The following CAPZB variants were observed in gnomAD, a reference collection of about 807,000 sequenced individuals.
CAPZB encodes the protein F-actin-capping protein subunit beta.
A neutral mutation model predicts 38.1 loss-of-function variants in CAPZB; 2 were observed. The observed-to-expected ratio is 0.05, with a 90% CI of 0.02 to 0.17. The LOEUF is 0.17. CAPZB is among the 10% of genes least tolerant of loss of function. The pLI is 1.00. For missense variants in CAPZB, 161 were observed against 334.2 expected, an observed-to-expected ratio of 0.48 and a Z score of 4.04; for synonymous variants, 107 against 127.4, an observed-to-expected ratio of 0.84 and a Z score of 1.08.
chr1:19,355,844 G>C (rs758108106), intron 6 of CAPZB, among the ~76,000 whole-genome samples: 4 of 152,208 alleles, frequency 2.6e-5, no homozygotes, highest in Non-Finnish European at 4.4e-5. Flanking sequence ...CTTCTCTTGG[G>C]ATGGGAATGT....
At chr1:19,367,675 G>A (rs1228749672) in intron 4 of CAPZB, among the ~76,000 whole-genome samples, 2 of 152,202 alleles carry the variant, frequency 1.3e-5, no homozygotes, top group African/African-American at 4.8e-5. Flanking sequence ...AGTACACACA[G>A]GTGCAACAAT....
At chr1:19,353,089 G>C (rs1455138408) in intron 6 of CAPZB, among the ~76,000 whole-genome samples, 1 of 152,250 alleles carries the variant, frequency 6.6e-6, no homozygotes, top group Non-Finnish European at 1.5e-5. Flanking sequence ...CACACACAGG[G>C]AAGGGCAGCT....
chr1:19,398,397 C>T (rs2094284296), intron 2 of CAPZB, among the ~76,000 whole-genome samples: 1 of 152,310 alleles, frequency 6.6e-6, no homozygotes, highest in South Asian at 2.1e-4. Flanking sequence ...GTCTGGCTTC[C>T]TCCAACAGAT....
At chr1:19,464,111 T>A (rs2094561204) in intron 1 of CAPZB, among the ~76,000 whole-genome samples, 1 of 151,020 alleles carries the variant, frequency 6.6e-6, no homozygotes, top group Admixed American at 6.6e-5. Context: ...TGCTTTAACC[T>A]GGGAGACAGA....
At chr1:19,359,323 G>C (rs750798883) in intron 4 of CAPZB, among the ~76,000 whole-genome samples, 4 of 147,758 alleles carry the variant, frequency 2.7e-5, no homozygotes, top group Non-Finnish European at 4.4e-5. Context: ...GTAACTAAGA[G>C]ACCACCAGAC....
chr1:19,355,366 ACG>A (rs2094014796), intron 6 of CAPZB, among the ~76,000 whole-genome samples: 1 of 151,972 alleles, frequency 6.6e-6, no homozygotes. Context: ...GTGGTGGTGC[ACG>A]CTTGTAATCC....
intron 1 of CAPZB, among the ~76,000 whole-genome samples, chr1:19,470,216 C>T (rs1451333601): frequency 1.3e-5 from 2 of 150,932 alleles, no homozygotes; most frequent in Admixed American, 6.6e-5. Flanking sequence ...GAGACGCTGT[C>T]GCCAAAAAAT....
At chr1:19,450,233 CTGAG>C (rs1459843181) in intron 1 of CAPZB, among the ~76,000 whole-genome samples, 2 of 149,500 alleles carry the variant, frequency 1.3e-5, no homozygotes, top group Non-Finnish European at 3.0e-5. Context: ...ATAATGCAGG[CTGAG>C]TATTAGTTTT....
At chr1:19,476,199 GATAGATAGAT>G (rs1194478181) in intron 1 of CAPZB, among the ~76,000 whole-genome samples, 1 of 137,692 alleles carries the variant, frequency 7.3e-6, no homozygotes, top group Non-Finnish European at 1.5e-5. Context: ...TAGATAGATA[GATAGATAGAT>G]AGATAGATAG....
chr1:19,410,774 T>C lies in CAPZB; in HGVS notation c.93+8887A>G, dbSNP rs12028140. Among the ~76,000 whole-genome samples the C allele has an allele frequency of 7.9e-5, 12 of 152,350 alleles. No individual in the cohort carries two copies. In the East Asian group the frequency reaches 2.3e-3, roughly 29 times the overall value. The stretch of plus-strand genomic sequence containing the variant: ...GATTATTTAGCTTTGGCAGGACATT[T>C]AAGAAATGGCATACTATAATATTTT... On this transcript the variant is annotated intron_variant, in intron 2 of 8. Coordinates refer to ENST00000264202, the MANE Select transcript of CAPZB (RefSeq NM_004930.5).
intron 2 of CAPZB, among the ~76,000 whole-genome samples, chr1:19,417,029 G>A (rs572074337): frequency 6.6e-6 from 1 of 152,122 alleles, no homozygotes; most frequent in East Asian, 1.9e-4. Context: ...TCTGGCTATG[G>A]CGAAAGACAG....
chr1:19,415,730 G>A (rs2094376086), intron 2 of CAPZB, among the ~76,000 whole-genome samples: 1 of 152,214 alleles, frequency 6.6e-6, no homozygotes, highest in Non-Finnish European at 1.5e-5. Context: ...GTAGAGATGG[G>A]TTTTCGCCAT....
At chr1:19,427,343 A>C (rs2094426626) in intron 1 of CAPZB, among the ~76,000 whole-genome samples, 1 of 152,164 alleles carries the variant, frequency 6.6e-6, no homozygotes, top group Admixed American at 6.5e-5. Flanking sequence ...GTTCATCAAG[A>C]CCTTCACTCG....
intron 2 of CAPZB, among the ~76,000 whole-genome samples, chr1:19,419,088 C>T (rs954021437): frequency 6.6e-6 from 1 of 152,116 alleles, no homozygotes; most frequent in Non-Finnish European, 1.5e-5. Flanking sequence ...TAATATGGTG[C>T]TAGTGAATTT....
intron 1 of CAPZB, among the ~76,000 whole-genome samples, chr1:19,434,758 G>A (rs904132451): frequency 5.3e-5 from 8 of 151,920 alleles, no homozygotes; most frequent in Admixed American, 2.6e-4. Context: ...GTAAAACCCC[G>A]TCTCTACAAA....
chr1:19,415,984 T>C (rs759274892), intron 2 of CAPZB, among the ~76,000 whole-genome samples: 1 of 152,218 alleles, frequency 6.6e-6, no homozygotes, highest in Non-Finnish European at 1.5e-5. Flanking sequence ...CTCTGGACGA[T>C]GGGAATCCAC....
At chr1:19,382,200 A>C (rs1382232421) in intron 3 of CAPZB, among the ~76,000 whole-genome samples, 1 of 152,186 alleles carries the variant, frequency 6.6e-6, no homozygotes, top group African/African-American at 2.4e-5. Context: ...TCACATTTCT[A>C]CTGGCTCACA....
At chr1:19,451,902 T>C (rs537470161) in intron 1 of CAPZB, among the ~76,000 whole-genome samples, 3 of 152,294 alleles carry the variant, frequency 2.0e-5, no homozygotes, top group East Asian at 3.9e-4. Flanking sequence ...CCAATAATAA[T>C]GCTATGAAGC....
intron 1 of CAPZB, chr1:19,449,311 A>G: frequency 9.7e-7 from 1 of 1,034,866 alleles, no homozygotes; most frequent in South Asian, 3.8e-5. Context: ...GCGAGATGCG[A>G]GTCACGGTCA....
Sources: gnomAD v4.1 joint callset for allele counts (sites outside exome capture counted in the v4.1 genomes callset) on GRCh38, gnomAD v4.1.1 for gene constraint, MANE v1.5 for transcripts, NCBI Gene and HGNC (gene_info 2026-07-23, HGNC 2026-07-21) for gene names.